The following FUT9 variants were observed in gnomAD, a reference collection of about 807,000 sequenced individuals.
The protein encoded by FUT9 is 4-galactosyl-N-acetylglucosaminide 3-alpha-L-fucosyltransferase 9.
In FUT9, 15 loss-of-function variants were observed where a neutral mutation model predicts 29.7. The ratio of observed to expected loss-of-function variants is 0.51; its 90% confidence interval spans 0.34 to 0.78. FUT9 has a LOEUF of 0.78. FUT9 is among the 30% of genes least tolerant of loss of function. The pLI is 0.01. For missense variants in FUT9, 319 were observed against 425.4 expected, an observed-to-expected ratio of 0.75 and a Z score of 2.20; for synonymous variants, 169 against 153.7, an observed-to-expected ratio of 1.10 and a Z score of -0.74.
chr6:96,160,158 T>C (rs1395747874), intron 2 of FUT9, among the ~76,000 whole-genome samples: 1 of 152,180 alleles, frequency 6.6e-6, no homozygotes, highest in Non-Finnish European at 1.5e-5. Context: ...AACTTAAAGA[T>C]GGCTCAAACC....
intron 2 of FUT9, among the ~76,000 whole-genome samples, chr6:96,184,409 A>G (rs1773366997): frequency 6.6e-6 from 1 of 151,404 alleles, no homozygotes; most frequent in Admixed American, 6.6e-5. Context: ...TTTGTTTTAT[A>G]TATCTTTTGT....
chr6:96,053,294 A>G (rs1300009615), intron 1 of FUT9, among the ~76,000 whole-genome samples: 1 of 152,204 alleles, frequency 6.6e-6, no homozygotes, highest in Admixed American at 6.5e-5. Flanking sequence ...CTTTAAATCT[A>G]TTGTATCCAA....
At chr6:96,186,247 T>A (rs1251645377) in intron 2 of FUT9, among the ~76,000 whole-genome samples, 1 of 152,142 alleles carries the variant, frequency 6.6e-6, no homozygotes, top group Non-Finnish European at 1.5e-5. Flanking sequence ...GTTCTCTTAT[T>A]GTAAATTGAA....
chr6:96,144,168 T>C (rs1264558495), intron 2 of FUT9, among the ~76,000 whole-genome samples: 1 of 152,232 alleles, frequency 6.6e-6, no homozygotes, highest in African/African-American at 2.4e-5. Flanking sequence ...TGTTATATCA[T>C]CTGTGACTCC....
At chr6:96,140,709 T>C (rs537515191) in intron 2 of FUT9, among the ~76,000 whole-genome samples, 2 of 152,260 alleles carry the variant, frequency 1.3e-5, no homozygotes, top group South Asian at 4.1e-4. Context: ...TCAGATCTCA[T>C]GAGACTTATT....
intron 1 of FUT9, among the ~76,000 whole-genome samples, chr6:96,113,767 T>C (rs1339462923): frequency 6.7e-6 from 1 of 150,330 alleles, no homozygotes; most frequent in Non-Finnish European, 1.5e-5. Flanking sequence ...GGCCGGAGAA[T>C]GTCGTGAACC....
chr6:96,161,674 T>C (rs1197014952), intron 2 of FUT9, among the ~76,000 whole-genome samples: 1 of 152,196 alleles, frequency 6.6e-6, no homozygotes, highest in Non-Finnish European at 1.5e-5. Context: ...TTTCACACTT[T>C]TAACTATCCT....
At chr6:96,089,482 A>G (rs1213278574) in intron 1 of FUT9, among the ~76,000 whole-genome samples, 3 of 152,138 alleles carry the variant, frequency 2.0e-5, no homozygotes, top group Non-Finnish European at 2.9e-5. Flanking sequence ...CAGACAACCA[A>G]CCTTTAAAAT....
rs190688978 is a variant in FUT9 at position 96,019,634 on chromosome 6, T to C, written c.-98+3422T>C. Among the ~76,000 whole-genome samples, 284 of 152,206 alleles carry C rather than the reference T, an allele frequency of 1.9e-3. 1 individual carries two copies. The highest frequency in any genetic ancestry group is 6.6e-3 in the African/African-American group (276 of 41,572). ...GTTTTACAACAATGCTATAAAGTGA[T>C]ACTCTCATAAACTCTAATGTACAAT... is the stretch of plus-strand genomic sequence containing the variant. On this transcript the variant is annotated intron_variant, in intron 1 of 2. Transcript: ENST00000302103.
chr6:96,123,211 T>A (rs1040120463), intron 2 of FUT9, among the ~76,000 whole-genome samples: 1 of 151,944 alleles, frequency 6.6e-6, no homozygotes, highest in African/African-American at 2.4e-5. Flanking sequence ...CCAAAGGATA[T>A]GACTATATAT....
At chr6:96,058,960 T>C (rs1770825669) in intron 1 of FUT9, among the ~76,000 whole-genome samples, 1 of 152,202 alleles carries the variant, frequency 6.6e-6, no homozygotes, top group South Asian at 2.1e-4. Flanking sequence ...GATGTATCAC[T>C]TTAGAAAAAC....
At chr6:96,193,471 A>G (rs191138533) in intron 2 of FUT9, among the ~76,000 whole-genome samples, 4,137 of 147,526 alleles carry the variant, frequency 0.028, 15 homozygotes, top group Middle Eastern at 0.065. Context: ...ATCACTGGCC[A>G]TCAGAGAAAT....
At chr6:96,175,929 C>G (rs1044756665) in intron 2 of FUT9, among the ~76,000 whole-genome samples, 1 of 152,226 alleles carries the variant, frequency 6.6e-6, no homozygotes, top group Non-Finnish European at 1.5e-5. Flanking sequence ...AAGATCTGCT[C>G]TCACCAACGT....
At chr6:96,199,539 C>T (rs138498681) in intron 2 of FUT9, among the ~76,000 whole-genome samples, 10 of 152,168 alleles carry the variant, frequency 6.6e-5, no homozygotes, top group South Asian at 4.1e-4. Context: ...ATCAATTCCT[C>T]GTTTGGCTAA....
At chr6:96,106,453 C>T (rs1771687989) in intron 1 of FUT9, among the ~76,000 whole-genome samples, 1 of 151,862 alleles carries the variant, frequency 6.6e-6, no homozygotes, top group African/African-American at 2.4e-5. Context: ...GAAGTGTCAC[C>T]AACTGTCTGA....
Position 96,153,359 on chromosome 6 carries a change from C to T in FUT9, c.-9+39232C>T, listed in dbSNP as rs559866350. ...CCCTATCCTCTTGTCCTTAAAATCA[C>T]AAAAGGACATTACACATTAACTGAT... is the stretch of plus-strand genomic sequence containing the variant. On this transcript the variant is annotated intron_variant, in intron 2 of 2. Coordinates refer to ENST00000302103, the MANE Select transcript of FUT9 (RefSeq NM_006581.4). 2.0e-5 allele frequency among the ~76,000 whole-genome samples: 3 copies of T among 152,222 alleles called. No homozygotes were observed. The East Asian group carries it at 5.8e-4, about 29-fold the overall frequency.
intron 2 of FUT9, among the ~76,000 whole-genome samples, chr6:96,200,650 A>C (rs1270680913): frequency 6.6e-6 from 1 of 152,170 alleles, no homozygotes; most frequent in Non-Finnish European, 1.5e-5. Context: ...CAGTTCAAAA[A>C]GGATTTAAGG....
chr6:96,141,294 T>C (rs112778047), intron 2 of FUT9, among the ~76,000 whole-genome samples: 1 of 152,342 alleles, frequency 6.6e-6, no homozygotes, highest in Admixed American at 6.5e-5. Flanking sequence ...GGAATACTAC[T>C]AGTTATCAGA....
chr6:96,204,032 A>G lies in FUT9; in HGVS notation c.877A>G (p.Asn293Asp). 1.3e-6 allele frequency: 2 copies of G among 1,599,542 alleles called. No homozygotes were observed. The highest frequency in any genetic ancestry group is 1.7e-6 in the Non-Finnish European group (2 of 1,172,832). The change falls in exon 3 of 3, where the codon AAC becomes GAC. Residue 293 changes from asparagine (N) to aspartate (D), a missense_variant. By Grantham distance (23) the Asn-to-Asp change is conservative. Coordinates refer to ENST00000302103, the MANE Select transcript of FUT9 (RefSeq NM_006581.4). ...TTCATTCATTCATGTGGAAGATTAT[A>G]ACTCTCCCAGTGAGCTAGCAAAGTA... Reference protein sequence around the residue: ...ADSFIHVEDYNSPSELAKYLK... With the variant: ...ADSFIHVEDYDSPSELAKYLK...
Sources: gnomAD v4.1 joint callset for allele counts (sites outside exome capture counted in the v4.1 genomes callset) on GRCh38, gnomAD v4.1.1 for gene constraint, MANE v1.5 for transcripts, NCBI Gene and HGNC (gene_info 2026-07-23, HGNC 2026-07-21) for gene names.